Variants in PCDHGA1 observed in about 807,000 individuals in gnomAD.
PCDHGA1 encodes protocadherin gamma-A1.
PCDHGA1 carries 32 observed loss-of-function variants against 58.0 expected under a neutral mutation model. The ratio of observed to expected loss-of-function variants is 0.55; its 90% confidence interval spans 0.42 to 0.74. The LOEUF (loss-of-function observed/expected upper bound fraction) is 0.74. Among genes scored for constraint, PCDHGA1 ranks in the 30% least tolerant of loss-of-function variants. The pLI, the probability that PCDHGA1 is intolerant of heterozygous loss-of-function variation, is 0.00. For synonymous variants in PCDHGA1, 498 were observed against 501.1 expected (o/e 0.99, Z 0.08); for missense variants, 1,205 against 1,182.3 (o/e 1.02, Z -0.28).
At position 141,482,865 on chromosome 5, in the gene PCDHGA1, A is replaced by G. The variant is rs557581796; in HGVS notation, c.2422-11942A>G. ...GGTGGGCAGATCACTTGAGGTCAGG[A>G]GTTTGAAACCAGCCTGGCCAACATG... On this transcript the variant is annotated intron_variant, in intron 1 of 3. Coordinates refer to ENST00000517417, the MANE Select transcript of PCDHGA1 (RefSeq NM_018912.3). Among the ~76,000 whole-genome samples, 66 of 152,206 alleles carry G rather than the reference A, an allele frequency of 4.3e-4. 1 individual carries two copies. Among genetic ancestry groups the G allele is most frequent in the African/African-American group, 1.5e-3 (61 of 41,516 alleles).
intron 1 of PCDHGA1, chr5:141,423,675 T>C: frequency 1.3e-6 from 2 of 1,540,488 alleles, no homozygotes; most frequent in Non-Finnish European, 1.7e-6. Flanking sequence ...GATTTATTTC[T>C]CTGCCTCCTA....
chr5:141,467,602 A>G (rs981250164), intron 1 of PCDHGA1, among the ~76,000 whole-genome samples: 3 of 152,216 alleles, frequency 2.0e-5, no homozygotes, highest in Non-Finnish European at 4.4e-5. Flanking sequence ...TAAGCACTTC[A>G]TCTTTGTCCC....
At chr5:141,376,154 C>T (rs1425376305) in intron 1 of PCDHGA1, 11 of 1,614,032 alleles carry the variant, frequency 6.8e-6, no homozygotes, top group Middle Eastern at 1.7e-4. Flanking sequence ...GGACCTCACT[C>T]TGTACCTGGT....
At chr5:141,418,349 A>G in intron 1 of PCDHGA1, 1 of 1,614,016 alleles carries the variant, frequency 6.2e-7, no homozygotes, top group South Asian at 1.1e-5. Context: ...TGATATTAGT[A>G]TGAATTCGCT....
At chr5:141,371,430 G>C in intron 1 of PCDHGA1, 1 of 1,613,962 alleles carries the variant, frequency 6.2e-7, no homozygotes, top group South Asian at 1.1e-5. Flanking sequence ...CAATGCCCCG[G>C]AGATAACCCT....
At chr5:141,389,080 C>T (rs762866893) in intron 1 of PCDHGA1, 8 of 1,613,866 alleles carry the variant, frequency 5.0e-6, no homozygotes, top group African/African-American at 2.7e-5. Flanking sequence ...TCAAGAAACA[C>T]GTATAAATTA....
chr5:141,491,507 C>A lies in PCDHGA1; in HGVS notation c.2422-3300C>A, dbSNP rs755899622. 1.9e-6 allele frequency: 3 copies of A among 1,614,038 alleles called. No individual in the cohort carries two copies. The highest frequency in any genetic ancestry group is 1.6e-4 in the Middle Eastern group (1 of 6,062). Reference sequence around the variant, plus strand: ...AACCTGCAGGTGAGCTCGGACGGCACGCTCAAGTACATGGAGGTGACGCTG... The same window carrying A: ...AACCTGCAGGTGAGCTCGGACGGCAAGCTCAAGTACATGGAGGTGACGCTG... On this transcript the variant is annotated intron_variant, in intron 1 of 3. Transcript: ENST00000517417. The surrounding 1 kb of genome is among the most constrained non-coding windows in gnomAD (Gnocchi z 6.9).
At position 141,487,915 on chromosome 5, in the gene PCDHGA1, G is replaced by T; in HGVS notation, c.2422-6892G>T. The T allele has an allele frequency of 1.5e-6, 1 of 655,128 alleles. No homozygotes were observed. Among genetic ancestry groups the T allele is most frequent in the Middle Eastern group, 3.5e-4 (1 of 2,862 alleles). The allele number at this position is 655,128 out of a possible 1,614,324, so 40.6% of individuals were successfully genotyped here. ...GATGATGGAATGTGGGAGCACAGGA[G>T]GCTACAGTGCACAGGGTACAGTGCA... On this transcript the variant is annotated intron_variant, in intron 1 of 3. Coordinates refer to ENST00000517417, the MANE Select transcript of PCDHGA1 (RefSeq NM_018912.3). This position sits in a 1 kb window ranked among gnomAD's most constrained non-coding sequence, Gnocchi z 5.0.
intron 1 of PCDHGA1, chr5:141,403,462 C>A: frequency 6.2e-7 from 1 of 1,614,050 alleles, no homozygotes; most frequent in South Asian, 1.1e-5. Flanking sequence ...TCCAGAGCTA[C>A]CAGCTCAGCC....
intron 1 of PCDHGA1, among the ~76,000 whole-genome samples, chr5:141,442,967 G>T (rs553833025): frequency 1.3e-5 from 2 of 152,220 alleles, no homozygotes; most frequent in African/African-American, 2.4e-5. Context: ...AGACATTCTG[G>T]CTGATAAAGT....
chr5:141,455,632 TG>T (rs1394377963), intron 1 of PCDHGA1, among the ~76,000 whole-genome samples: 1 of 151,924 alleles, frequency 6.6e-6, no homozygotes, highest in African/African-American at 2.4e-5. Flanking sequence ...TGGAGATATG[TG>T]GGGGGCAGCC....
Position 141,476,782 on chromosome 5 carries a change from A to T in PCDHGA1, c.2422-18025A>T. On this transcript the variant is annotated intron_variant, in intron 1 of 3. Coordinates refer to ENST00000517417, the MANE Select transcript of PCDHGA1 (RefSeq NM_018912.3). The surrounding 1 kb of genome is among the most constrained non-coding windows in gnomAD (Gnocchi z 7.6). ...TGACGGCGTTGGACGGAGGGACCCCAGCTCTCTCCGCCAGCCTGCCTATTC... is the reference window on the plus strand; with the variant it reads ...TGACGGCGTTGGACGGAGGGACCCCTGCTCTCTCCGCCAGCCTGCCTATTC... 6.2e-7 allele frequency: 1 copy of T among 1,613,568 alleles called. No individual in the cohort carries two copies. The highest frequency in any genetic ancestry group is 8.5e-7 in the Non-Finnish European group (1 of 1,179,996).
chr5:141,482,205 C>A (rs1478729653), intron 1 of PCDHGA1, among the ~76,000 whole-genome samples: 1 of 151,896 alleles, frequency 6.6e-6, no homozygotes, highest in Non-Finnish European at 1.5e-5. Context: ...TAAAACAGAC[C>A]AGGTACTTGT....
At chr5:141,344,360 G>A (rs1757407627) in intron 1 of PCDHGA1, 1 of 1,613,558 alleles carries the variant, frequency 6.2e-7, no homozygotes, top group Non-Finnish European at 8.5e-7. Flanking sequence ...TTAACATTCT[G>A]GTTGAGGATA....
chr5:141,346,632 G>C (rs1426424420), intron 1 of PCDHGA1: 1 of 975,140 alleles, frequency 1.0e-6, no homozygotes, highest in Non-Finnish European at 1.5e-6. Context: ...CCCCGGTCTG[G>C]TTATGGTTGA....
At chr5:141,463,335 A>G (rs565781645) in intron 1 of PCDHGA1, among the ~76,000 whole-genome samples, 3 of 149,628 alleles carry the variant, frequency 2.0e-5, no homozygotes, top group South Asian at 2.1e-4. Context: ...CAGCAAAACC[A>G]TGGTGTTATT....
At chr5:141,448,523 A>G (rs2098593853) in intron 1 of PCDHGA1, among the ~76,000 whole-genome samples, 1 of 152,166 alleles carries the variant, frequency 6.6e-6, no homozygotes, top group African/African-American at 2.4e-5. Context: ...TTTATTAAGC[A>G]TCCTGTCAGC....
chr5:141,506,544 G>GT (rs2099854759), intron 3 of PCDHGA1, among the ~76,000 whole-genome samples: 1 of 151,880 alleles, frequency 6.6e-6, no homozygotes, highest in Non-Finnish European at 1.5e-5. Flanking sequence ...GAGTCCTTAG[G>GT]TAAGTTATTA....
chr5:141,389,488 A>G (rs1405287897), intron 1 of PCDHGA1: 2 of 1,612,912 alleles, frequency 1.2e-6, no homozygotes, highest in Non-Finnish European at 1.7e-6. Flanking sequence ...GCCCGCGACC[A>G]GGGCTCGCCA....
Sources: allele counts gnomAD v4.1 joint callset (sites outside exome capture counted in the v4.1 genomes callset), GRCh38; gene constraint gnomAD v4.1.1; non-coding constraint Gnocchi (gnomAD v3.1); transcripts MANE v1.5; gene names NCBI Gene and HGNC (gene_info 2026-07-23, HGNC 2026-07-21).